The following EYS variants were observed in gnomAD, a reference collection of about 807,000 sequenced individuals.
The protein encoded by EYS is EGF-like photoreceptor maintenance factor.
Under a neutral mutation model 282.1 loss-of-function variants are expected in EYS, and 250 were observed. That is an observed-to-expected ratio of 0.89 (90% CI 0.80 to 0.98). The LOEUF is 0.98. Among genes scored for constraint, EYS ranks in the 50% least tolerant of loss-of-function variants. EYS has a pLI of 0.00. For missense variants in EYS, 4,016 were observed against 3,709.0 expected (o/e 1.08, Z -2.15); for synonymous variants, 1,355 against 1,282.9 (o/e 1.06, Z -1.20).
intron 26 of EYS, among the ~76,000 whole-genome samples, chr6:64,455,837 A>C (rs1323469532): frequency 6.6e-6 from 1 of 152,080 alleles, no homozygotes; most frequent in Non-Finnish European, 1.5e-5. Context: ...CTTTCCTTCT[A>C]TTCTTAGTTT....
chr6:65,686,534 G>A (rs867346235), intron 1 of EYS, among the ~76,000 whole-genome samples: 4 of 152,158 alleles, frequency 2.6e-5, no homozygotes, highest in Middle Eastern at 6.8e-3. Context: ...AAACACATAC[G>A]AATACATAAA....
At chr6:64,617,626 G>T in intron 23 of EYS, 93 bp from the exon 24 acceptor site, 1 of 723,554 alleles carries the variant, frequency 1.4e-6, no homozygotes, top group South Asian at 1.7e-5. Context: ...TTTACTATTT[G>T]AAATAATTAT....
Position 65,144,788 on chromosome 6 carries a change from G to A in EYS, c.2024-87061C>T, listed in dbSNP as rs80012775. Among the ~76,000 whole-genome samples the A allele has an allele frequency of 4.8e-3, 715 of 148,572 alleles. 5 individuals carry two copies. The highest frequency in any genetic ancestry group is 0.017 in the African/African-American group (678 of 40,498). Reference sequence around the variant, plus strand: ...TACTTACTTTTTTTTTTTTTGAGATGGAGTCTCTGTCACCCAGGCTGGATG... The same window carrying A: ...TACTTACTTTTTTTTTTTTTGAGATAGAGTCTCTGTCACCCAGGCTGGATG... On this transcript the variant is annotated intron_variant, in intron 12 of 42. Coordinates refer to ENST00000503581, the MANE Select transcript of EYS (RefSeq NM_001142800.2).
intron 12 of EYS, among the ~76,000 whole-genome samples, chr6:65,122,622 C>T (rs1775593175): frequency 6.6e-6 from 1 of 151,974 alleles, no homozygotes; most frequent in African/African-American, 2.4e-5. Flanking sequence ...TTTCACACAC[C>T]ACTGAACTGT....
At chr6:64,697,033 C>A in intron 22 of EYS, among the ~76,000 whole-genome samples, 1 of 152,022 alleles carries the variant, frequency 6.6e-6, no homozygotes, top group Non-Finnish European at 1.5e-5. Flanking sequence ...TAATGCTTAA[C>A]ATTACAACAG....
At chr6:64,999,536 G>C (rs143042577) in intron 13 of EYS, among the ~76,000 whole-genome samples, 3 of 152,132 alleles carry the variant, frequency 2.0e-5, no homozygotes, top group Non-Finnish European at 4.4e-5. Flanking sequence ...ACGTGAGGAC[G>C]GCACTCCTGC....
At chr6:65,442,697 T>C (rs913475424) in intron 5 of EYS, among the ~76,000 whole-genome samples, 4 of 151,726 alleles carry the variant, frequency 2.6e-5, no homozygotes, top group Non-Finnish European at 5.9e-5. Flanking sequence ...GAGGTTGCAG[T>C]GAGTCAAGAT....
intron 31 of EYS, among the ~76,000 whole-genome samples, chr6:64,129,776 A>T (rs1368280172): frequency 2.0e-5 from 3 of 152,170 alleles, no homozygotes; most frequent in Admixed American, 6.5e-5. Context: ...CTAACATGTA[A>T]GTCTTTAATC....
chr6:65,030,388 G>A (rs532543056), intron 13 of EYS, among the ~76,000 whole-genome samples: 19 of 152,050 alleles, frequency 1.2e-4, no homozygotes, highest in Middle Eastern at 3.4e-3. Context: ...ACCCAACTAC[G>A]CACAGCATCC....
rs530767412 is a variant in EYS at position 64,230,545 on chromosome 6, G to C, written c.6424+47C>G. The C allele has an allele frequency of 1.4e-4, 192 of 1,370,308 alleles. No homozygotes were observed. The African/African-American group carries it at 2.6e-3, about 18-fold the overall frequency. 84.9% of individuals were successfully genotyped at this position (1,370,308 alleles called of 1,614,324 possible). A position where few individuals can be genotyped will look rare whatever the true frequency, so the allele number is the denominator to read the frequency against. ...CATTTCAACTCCTGTCCATTCTCTGGAGAGGTTTTTAAAAAGAAATACAAA... is the reference window on the plus strand; with the variant it reads ...CATTTCAACTCCTGTCCATTCTCTGCAGAGGTTTTTAAAAAGAAATACAAA... On this transcript the variant is annotated intron_variant, in intron 31 of 42. Transcript: ENST00000503581.
chr6:64,736,490 T>C (rs895902298), intron 22 of EYS, among the ~76,000 whole-genome samples: 2 of 152,142 alleles, frequency 1.3e-5, no homozygotes, highest in East Asian at 3.9e-4. Flanking sequence ...TATGACTCAG[T>C]GACAATAAAA....
At chr6:64,837,450 A>C (rs1164693454) in intron 19 of EYS, among the ~76,000 whole-genome samples, 1 of 151,378 alleles carries the variant, frequency 6.6e-6, no homozygotes, top group African/African-American at 2.4e-5. Flanking sequence ...CACCACTTCT[A>C]TTCAAAATAG....
intron 26 of EYS, among the ~76,000 whole-genome samples, chr6:64,493,777 A>C (rs1044302356): frequency 2.6e-5 from 4 of 151,560 alleles, no homozygotes; most frequent in Admixed American, 6.6e-5. Flanking sequence ...TCAACATCAC[A>C]ACATGGGTGA....
At chr6:63,937,336 CTCTCTTT>C (rs1765088036) in intron 35 of EYS, among the ~76,000 whole-genome samples, 1 of 70,966 alleles carries the variant, frequency 1.4e-5, no homozygotes, top group Non-Finnish European at 2.8e-5. Context: ...TTCTAGGCTT[CTCTCTTT>C]TCTTTTTTTT....
At chr6:65,523,548 G>C (rs577877299) in intron 2 of EYS, among the ~76,000 whole-genome samples, 26 of 152,184 alleles carry the variant, frequency 1.7e-4, no homozygotes, top group African/African-American at 6.0e-4. Flanking sequence ...GGGAAATTTT[G>C]GGCAAAAAGC....
At chr6:64,271,554 T>C (rs1339985370) in intron 30 of EYS, among the ~76,000 whole-genome samples, 1 of 152,158 alleles carries the variant, frequency 6.6e-6, no homozygotes, top group African/African-American at 2.4e-5. Flanking sequence ...CTCTTATATG[T>C]TCTTTGGAAA....
intron 30 of EYS, among the ~76,000 whole-genome samples, chr6:64,285,840 G>A (rs1386796620): frequency 6.6e-6 from 1 of 152,096 alleles, no homozygotes; most frequent in Non-Finnish European, 1.5e-5. Context: ...TCACTACCAT[G>A]AGAACAGTAT....
rs575859936 is a variant in EYS, at chr6:64,090,834, A to G, written c.6425-8832T>C. 5.9e-5 allele frequency among the ~76,000 whole-genome samples: 9 copies of G among 152,264 alleles called. No individual in the cohort carries two copies. The East Asian group carries it at 1.7e-3, about 29-fold the overall frequency. ...ATTCAAATGGTTCCTCTTCACTTGG[A>G]ATGCCATCTTCTTCTGCCTGTACTA... On this transcript the variant is annotated intron_variant, in intron 31 of 42. Transcript: ENST00000503581.
rs1765233190 is a variant in EYS, at chr6:65,591,511, TTTTCTC to T, written c.-333+48261_-333+48266del. The stretch of plus-strand genomic sequence containing the variant: ...CCATTTCATAGTTCTAGATATTATC[TTTTCTC>T]TTTCTCTTTCTAGTTCTTGGTTTAT... On this transcript the variant is annotated intron_variant, in intron 2 of 42. Transcript: ENST00000503581. Among the ~76,000 whole-genome samples, 3 of 152,102 alleles carry T rather than the reference TTTTCTC, an allele frequency of 2.0e-5. No homozygotes were observed. The South Asian group carries it at 6.2e-4, about 31-fold the overall frequency.
Sources: gnomAD v4.1 joint callset for allele counts (sites outside exome capture counted in the v4.1 genomes callset) on GRCh38, gnomAD v4.1.1 for gene constraint, MANE v1.5 for transcripts, NCBI Gene and HGNC (gene_info 2026-07-23, HGNC 2026-07-21) for gene names.